The following CCSER1 variants were observed in gnomAD, a reference collection of about 807,000 sequenced individuals.
The protein encoded by CCSER1 is coiled-coil serine rich protein 1.
In CCSER1, 41 loss-of-function variants were observed where a neutral mutation model predicts 82.0. That is an observed-to-expected ratio of 0.50 (90% CI 0.39 to 0.65). The LOEUF (loss-of-function observed/expected upper bound fraction) is 0.65. CCSER1 is among the 30% of genes least tolerant of loss of function. The pLI is 0.00. For missense variants in CCSER1, 1,119 were observed against 1,064.2 expected, an observed-to-expected ratio of 1.05 and a Z score of -0.72; for synonymous variants, 414 against 383.9, an observed-to-expected ratio of 1.08 and a Z score of -0.92.
intron 5 of CCSER1, among the ~76,000 whole-genome samples, chr4:90,618,328 T>C (rs1056351206): frequency 6.6e-6 from 1 of 152,018 alleles, no homozygotes; most frequent in Non-Finnish European, 1.5e-5. Context: ...AACATTATTT[T>C]CTAGACTATA....
intron 7 of CCSER1, among the ~76,000 whole-genome samples, chr4:90,735,636 T>G: frequency 6.6e-6 from 1 of 152,236 alleles, no homozygotes; most frequent in East Asian, 1.9e-4. Context: ...TTTAAATTTA[T>G]GTAGTATCAG....
At chr4:91,509,111 A>T (rs1759689675) in intron 10 of CCSER1, among the ~76,000 whole-genome samples, 1 of 150,492 alleles carries the variant, frequency 6.6e-6, no homozygotes, top group Non-Finnish European at 1.5e-5. Flanking sequence ...TGTAGTTTTC[A>T]TTATTTTCTT....
chr4:90,905,377 C>T (rs1725315672), intron 8 of CCSER1, among the ~76,000 whole-genome samples: 1 of 151,936 alleles, frequency 6.6e-6, no homozygotes, highest in Admixed American at 6.6e-5. Context: ...CACACACACA[C>T]ACACACATAT....
At chr4:90,413,427 T>C (rs1407391617) in intron 4 of CCSER1, among the ~76,000 whole-genome samples, 1 of 152,064 alleles carries the variant, frequency 6.6e-6, no homozygotes, top group African/African-American at 2.4e-5. Context: ...ACCATTATTC[T>C]TTGCAGAACT....
intron 9 of CCSER1, among the ~76,000 whole-genome samples, chr4:91,069,314 C>T (rs1581470255): frequency 6.6e-6 from 1 of 151,766 alleles, no homozygotes; most frequent in Admixed American, 6.6e-5. Context: ...TGGTGATTTG[C>T]CCAAGGTTAG....
intron 4 of CCSER1, among the ~76,000 whole-genome samples, chr4:90,403,238 G>A (rs926446449): frequency 5.9e-5 from 9 of 151,938 alleles, no homozygotes; most frequent in Non-Finnish European, 8.8e-5. Context: ...GGTGGCTCAC[G>A]CCTGTAATCC....
At chr4:90,178,029 T>A (rs1037233113) in intron 1 of CCSER1, among the ~76,000 whole-genome samples, 4 of 152,040 alleles carry the variant, frequency 2.6e-5, no homozygotes, top group African/African-American at 9.7e-5. Flanking sequence ...AAATCCGAAA[T>A]CCAAAACATT....
At chr4:91,139,005 G>C (rs1158700991) in intron 10 of CCSER1, among the ~76,000 whole-genome samples, 1 of 152,160 alleles carries the variant, frequency 6.6e-6, no homozygotes, top group Non-Finnish European at 1.5e-5. Flanking sequence ...GTACATCATA[G>C]GTAGCTTTTC....
rs370331231 is a variant in CCSER1, at chr4:90,983,180, A to AT, written c.2172+59742dup. ...ATAAAAGCAATTCCATTTGAATCCC[A>AT]TTTTTTTTTGTCCTTGGATAAATGT... On this transcript the variant is annotated intron_variant, in intron 9 of 10. Transcript: ENST00000509176. 7.4e-4 allele frequency among the ~76,000 whole-genome samples: 111 copies of AT among 150,408 alleles called. 1 individual carries two copies. In the South Asian group the frequency reaches 0.014, roughly 19 times the overall value.
At chr4:90,205,769 A>G (rs1738689505) in intron 1 of CCSER1, among the ~76,000 whole-genome samples, 1 of 152,182 alleles carries the variant, frequency 6.6e-6, no homozygotes, top group South Asian at 2.1e-4. Flanking sequence ...TTCAAAAGTA[A>G]TGGTACCAGC....
intron 10 of CCSER1, among the ~76,000 whole-genome samples, chr4:91,318,047 C>T (rs1745950171): frequency 6.6e-6 from 1 of 151,814 alleles, no homozygotes; most frequent in Non-Finnish European, 1.5e-5. Flanking sequence ...GAAAGTGAAA[C>T]ATACATTTGT....
At chr4:91,193,993 G>A (rs1735208158) in intron 10 of CCSER1, among the ~76,000 whole-genome samples, 3 of 152,086 alleles carry the variant, frequency 2.0e-5, no homozygotes, top group Admixed American at 1.3e-4. Context: ...TTTTTGAGAC[G>A]TAGTCTCACT....
chr4:91,307,305 T>C (rs1560579821), intron 10 of CCSER1, among the ~76,000 whole-genome samples: 1 of 151,970 alleles, frequency 6.6e-6, no homozygotes, highest in Non-Finnish European at 1.5e-5. Context: ...TAACTGTCTT[T>C]GTAATCCTCT....
At chr4:90,938,758 A>G (rs759984144) in intron 9 of CCSER1, 1 of 328,888 alleles carries the variant, frequency 3.0e-6, no homozygotes, top group Admixed American at 3.3e-5. Flanking sequence ...TCTGACAATA[A>G]GAAATGCATC....
intron 3 of CCSER1, among the ~76,000 whole-genome samples, chr4:90,395,670 T>G (rs1052601021): frequency 6.6e-6 from 1 of 152,070 alleles, no homozygotes; most frequent in African/African-American, 2.4e-5. Context: ...GTCTTTTTTT[T>G]TTTTTTAAGT....
intron 3 of CCSER1, among the ~76,000 whole-genome samples, chr4:90,333,453 C>T (rs1263443607): frequency 6.6e-6 from 1 of 151,682 alleles, no homozygotes; most frequent in Non-Finnish European, 1.5e-5. Context: ...GAAATAAAAC[C>T]AAGAAAAAAA....
At chr4:90,369,262 G>GGAA (rs1286846280) in intron 3 of CCSER1, among the ~76,000 whole-genome samples, 2 of 118,188 alleles carry the variant, frequency 1.7e-5, no homozygotes, top group Non-Finnish European at 3.4e-5. Context: ...AGGATGAGGA[G>GGAA]GAAGAAAGAA....
chr4:90,466,554 G>A (rs1451528226), intron 4 of CCSER1, among the ~76,000 whole-genome samples: 2 of 152,200 alleles, frequency 1.3e-5, no homozygotes, highest in Non-Finnish European at 2.9e-5. Flanking sequence ...CCCTAATCAG[G>A]GAACCCAGTT....
At position 91,013,462 on chromosome 4, in the gene CCSER1, T is replaced by C; in HGVS notation, c.2173-72488T>C. On this transcript the variant is annotated intron_variant, in intron 9 of 10. Coordinates refer to ENST00000509176, the MANE Select transcript of CCSER1 (RefSeq NM_001145065.2). Reference sequence around the variant, plus strand: ...TATGCCAGTACCACACTGATTAGATTACTTTAACATTGTAATATGATTTGA... The same window carrying C: ...TATGCCAGTACCACACTGATTAGATCACTTTAACATTGTAATATGATTTGA... Among the ~76,000 whole-genome samples, 2 of 133,614 alleles carry C rather than the reference T, an allele frequency of 1.5e-5. 1 individual carries two copies. The allele number at this position is 133,614 out of a possible 152,430, so 87.7% of individuals were successfully genotyped here.
Sources: allele counts gnomAD v4.1 joint callset (sites outside exome capture counted in the v4.1 genomes callset), GRCh38; gene constraint gnomAD v4.1.1; transcripts MANE v1.5; gene names NCBI Gene and HGNC (gene_info 2026-07-23, HGNC 2026-07-21).